VWF: variants seen among roughly 807,000 people sequenced by gnomAD.
VWF encodes Factor VIII related antigen.
Under a neutral mutation model 308.6 loss-of-function variants are expected in VWF, and 176 were observed. The ratio of observed to expected loss-of-function variants is 0.57; its 90% CI spans 0.50 to 0.65. The LOEUF (loss-of-function observed/expected upper bound fraction) is 0.65, where lower values mean the gene tolerates loss of function less well. Ranked by LOEUF, VWF falls within the 30% of genes least tolerant of loss-of-function variation. VWF has a pLI of 0.00. For missense variants in VWF, 3,146 were observed against 3,648.2 expected (o/e 0.86, Z 3.55); for synonymous variants, 1,385 against 1,443.4 (o/e 0.96, Z 0.92).
At chr12:6,122,607 G>A (rs1055890500) in intron 2 of VWF, 3 of 370,344 alleles carry the variant, frequency 8.1e-6, no homozygotes, top group Admixed American at 3.7e-5. Flanking sequence ...AGTGGAAAGC[G>A]CCCAAGGTCA....
intron 47 of VWF, among the ~76,000 whole-genome samples, chr12:5,960,747 A>C (rs567156983): frequency 2.6e-5 from 4 of 152,344 alleles, no homozygotes; most frequent in African/African-American, 9.6e-5. Flanking sequence ...TGGTCATCTT[A>C]AAATATACAG....
At chr12:6,103,461 T>TATAC (rs1945202122) in intron 5 of VWF, among the ~76,000 whole-genome samples, 2 of 67,954 alleles carry the variant, frequency 2.9e-5, no homozygotes, top group African/African-American at 6.5e-5. Flanking sequence ...TATATGTGTA[T>TATAC]ATACACATAT....
intron 47 of VWF, among the ~76,000 whole-genome samples, chr12:5,965,092 G>A (rs750890431): frequency 4.6e-5 from 7 of 152,164 alleles, no homozygotes; most frequent in Non-Finnish European, 7.4e-5. Flanking sequence ...ACATTTCCCC[G>A]TTCAAGGGGA....
rs186797604 is a variant in VWF, at chr12:6,017,897, G to A, written c.5053+468C>T. ...AGACTGCACCTGCTACCTGACACCT[G>A]ACATCCTGGTCTTGCCCTGAAGAAT... On this transcript the variant is annotated intron_variant, in intron 28 of 51. Transcript: ENST00000261405. 2.3e-3 allele frequency among the ~76,000 whole-genome samples: 357 copies of A among 152,262 alleles called. 1 individual carries two copies. Among genetic ancestry groups the A allele is most frequent in the African/African-American group, 8.2e-3 (340 of 41,550 alleles).
At chr12:6,093,189 A>G (rs1945069436) in intron 6 of VWF, among the ~76,000 whole-genome samples, 1 of 152,166 alleles carries the variant, frequency 6.6e-6, no homozygotes, top group South Asian at 2.1e-4. Context: ...GCAGCTTTGT[A>G]GAGGGTGTCG....
Position 6,018,520 on chromosome 12 carries a change from T to G in VWF, c.4898A>C (p.Asn1633Thr). The G allele has an allele frequency of 6.2e-7, 1 of 1,613,858 alleles. No homozygotes were observed. The highest frequency in any genetic ancestry group is 8.5e-7 in the Non-Finnish European group (1 of 1,179,886). The change falls in exon 28 of 52, where the codon AAT (asparagine) becomes ACT (threonine). Residue 1633 changes from asparagine to threonine, a missense_variant. Asn to Thr is a moderately conservative substitution (Grantham distance 65). Around this residue, in one of 3 missense-constraint regions of VWF, gnomAD observed 853 missense variants for 1,177.8 expected, o/e 0.72. Transcript: ENST00000261405. ...CCTCTCCAGCTCCTGCACGTTGGCA[T>G]TAGGGCCCACTCCAATGGGCACCAC... ...IQVVPIGVGPNANVQELERIG... is the reference protein window; with the variant it reads ...IQVVPIGVGPTANVQELERIG...
intron 43 of VWF, among the ~76,000 whole-genome samples, chr12:5,974,246 C>T (rs1026547967): frequency 3.9e-5 from 6 of 152,128 alleles, no homozygotes; most frequent in Admixed American, 3.9e-4. Flanking sequence ...CAACACAGTA[C>T]AGATCGAAGC....
At chr12:6,100,766 T>G (rs1310847597) in intron 5 of VWF, among the ~76,000 whole-genome samples, 2 of 152,110 alleles carry the variant, frequency 1.3e-5, no homozygotes, top group Non-Finnish European at 2.9e-5. Flanking sequence ...TGGGGAGGGA[T>G]AGCATTAGGA....
chr12:5,984,931 C>A (rs1039819707), intron 40 of VWF, 114 bp downstream of exon 40: 3 of 1,166,026 alleles, frequency 2.6e-6, no homozygotes, highest in African/African-American at 3.0e-5. Flanking sequence ...TCCTTACCCA[C>A]CTCCTTTCAC....
rs546850070 is a variant in VWF, at chr12:6,056,887, G to A, written c.1915C>T (p.Arg639Cys). 1.6e-5 allele frequency: 24 copies of A among 1,508,000 alleles called. No homozygotes were observed. Among genetic ancestry groups the A allele is most frequent in the Non-Finnish European group, 1.7e-5 (19 of 1,135,926 alleles). 93.4% of individuals were successfully genotyped at this position (1,508,000 alleles called of 1,614,324 possible). A position where few individuals can be genotyped will look rare whatever the true frequency, so the allele number is the denominator to read the frequency against. Residue 639 changes from arginine (R) to cysteine (C), a missense_variant, in exon 15 of 52, where the codon CGC becomes TGC. Transcript: ENST00000261405. ...CGGCCTGGCTCGCGCCACGCGACGC[G>A]CACGCCTCTCCCCGCGCAGGCCGCG... is the stretch of plus-strand genomic sequence containing the variant. ...YAAACAGRGVRVAWREPGRCE... is the reference protein window; with the variant it reads ...YAAACAGRGVCVAWREPGRCE...
intron 7 of VWF, among the ~76,000 whole-genome samples, chr12:6,074,510 A>C (rs1029767593): frequency 1.3e-5 from 2 of 149,540 alleles, no homozygotes; most frequent in Non-Finnish European, 3.0e-5. Context: ...AAAAAAAAAA[A>C]CAGCCACTCG....
intron 47 of VWF, among the ~76,000 whole-genome samples, chr12:5,966,627 A>G (rs938953398): frequency 3.9e-5 from 5 of 126,824 alleles, no homozygotes; most frequent in Admixed American, 2.1e-4. Context: ...CTGCCTGCTT[A>G]TAAGAGGCTC....
At chr12:5,952,214 G>T in intron 49 of VWF, 177 bp downstream of exon 49, 1 of 916,438 alleles carries the variant, frequency 1.1e-6, no homozygotes, top group Non-Finnish European at 1.7e-6. Context: ...ATCCTATATT[G>T]CAGAGAATTT....
intron 6 of VWF, among the ~76,000 whole-genome samples, chr12:6,085,978 T>C (rs551405335): frequency 1.1e-3 from 166 of 152,330 alleles, no homozygotes; most frequent in African/African-American, 3.9e-3. Context: ...GCCATGAGGC[T>C]AGACCCCCAA....
intron 50 of VWF, 126 bp downstream of exon 50, chr12:5,951,718 T>C: frequency 9.1e-7 from 1 of 1,096,930 alleles, no homozygotes; most frequent in Non-Finnish European, 1.4e-6. Flanking sequence ...AATATCTTTC[T>C]GAAATAAAGC....
chr12:6,057,868 G>T lies in VWF; in HGVS notation c.1710C>A (p.Cys570Ter). The part of the protein sequence containing the change: ...QDLQKQHSDP[C>*]ALNPRMTRFS... Reference sequence around the variant, plus strand: ...ACATACTCATGCGCGGGTTGAGGGCGCAGGGATCGCTGTGCTGCTTCTGCA... The same window carrying T: ...ACATACTCATGCGCGGGTTGAGGGCTCAGGGATCGCTGTGCTGCTTCTGCA... Residue 570 changes from cysteine to a stop codon, truncating the protein, a stop_gained, in exon 14 of 52, where the codon TGC becomes TGA. Coordinates refer to ENST00000261405, the MANE Select transcript of VWF (RefSeq NM_000552.5). LOFTEE classifies it high-confidence loss of function. 1.2e-6 allele frequency: 2 copies of T among 1,609,498 alleles called. No individual in the cohort carries two copies. The highest frequency in any genetic ancestry group is 1.7e-6 in the Non-Finnish European group (2 of 1,177,826).
chr12:6,092,622 T>TGAGAGAGAGAGAGAGAGAGA (rs1403649370), intron 6 of VWF, among the ~76,000 whole-genome samples: 7 of 91,526 alleles, frequency 7.6e-5, no homozygotes, highest in African/African-American at 2.6e-4. Flanking sequence ...AGTGAGAGTG[T>TGAGAGAGAGAGAGAGAGAGA]GTGTGTGTGT....
chr12:6,031,351 C>A, intron 21 of VWF, 93 bp downstream of exon 21: 9 of 1,607,358 alleles, frequency 5.6e-6, no homozygotes, highest in Non-Finnish European at 7.7e-6. Context: ...TTATTCCATT[C>A]ACACGAGCTC....
intron 45 of VWF, among the ~76,000 whole-genome samples, chr12:5,968,828 CAAAT>C (rs963422626): frequency 4.6e-5 from 7 of 152,218 alleles, no homozygotes; most frequent in Non-Finnish European, 2.9e-5. Context: ...AACAAACAAA[CAAAT>C]AAATAAAATT....
Sources: gnomAD v4.1 joint callset for allele counts (sites outside exome capture counted in the v4.1 genomes callset) on GRCh38, gnomAD v4.1.1 for gene constraint, gnomAD v4.1.1 regional missense constraint, MANE v1.5 for transcripts, NCBI Gene and HGNC (gene_info 2026-07-23, HGNC 2026-07-21) for gene names.